The following CPLX2 variants were observed in gnomAD, a reference collection of about 807,000 sequenced individuals.
CPLX2 encodes complexin 2.
CPLX2 carries 5 observed loss-of-function variants against 16.3 expected under a neutral mutation model. The observed-to-expected ratio is 0.31, with a 90% CI of 0.16 to 0.64. The LOEUF (loss-of-function observed/expected upper bound fraction) is 0.64. Ranked by LOEUF, CPLX2 falls within the 30% of genes least tolerant of loss-of-function variation. The probability of loss-of-function intolerance (pLI) is 0.79; values close to 1 mark genes in which losing one functional copy is unlikely to be tolerated. For synonymous variants in CPLX2, 89 were observed against 73.2 expected (o/e 1.22, Z -1.10); for missense variants, 144 against 181.4 (o/e 0.79, Z 1.18).
Position 175,878,676 on chromosome 5 carries a change from C to A in CPLX2, c.-64C>A. 2 of 1,586,556 alleles carry A rather than the reference C, an allele frequency of 1.3e-6. No homozygotes were observed. The highest frequency in any genetic ancestry group is 8.6e-7 in the Non-Finnish European group (1 of 1,164,196). On this transcript the variant is annotated 5_prime_UTR_variant, in exon 2 of 4. Transcript: ENST00000393745. ...GGTTGTCACATCTTCCCAAGCCAGG[C>A]CAGCCAGGAGCGCTGCATGCAAATT...
At chr5:175,835,727 ACTTTTTTT>A (rs1758818986) in intron 2 of CPLX2, among the ~76,000 whole-genome samples, 1 of 33,368 alleles carries the variant, frequency 3.0e-5, no homozygotes, top group Admixed American at 2.4e-4. Flanking sequence ...TTATTTATTT[ACTTTTTTT>A]TTTTTTTTTT....
chr5:175,836,896 G>A (rs2113664222), intron 2 of CPLX2, among the ~76,000 whole-genome samples: 1 of 152,296 alleles, frequency 6.6e-6, no homozygotes, highest in Admixed American at 6.5e-5. Context: ...AAGAACATGA[G>A]GCCCAGAGTG....
At chr5:175,868,957 A>G (rs1247761298), upstream of CPLX2, among the ~76,000 whole-genome samples, 5 of 152,222 alleles carry the variant, frequency 3.3e-5, no homozygotes, top group Admixed American at 2.6e-4. Context: ...TGTAAATTAA[A>G]TGAGAAAATG....
intron 2 of CPLX2, among the ~76,000 whole-genome samples, chr5:175,857,668 G>T (rs1437302275): frequency 6.6e-6 from 1 of 152,170 alleles, no homozygotes; most frequent in Non-Finnish European, 1.5e-5. Context: ...GGTACCTGAG[G>T]TACGGATTCT....
chr5:175,822,142 G>A (rs1041271843), intron 2 of CPLX2, among the ~76,000 whole-genome samples: 6 of 152,072 alleles, frequency 3.9e-5, no homozygotes, highest in African/African-American at 1.2e-4. Flanking sequence ...CTTCCTTACC[G>A]ATCTCACCAC....
At chr5:175,850,273 C>A (rs1759126523) in intron 2 of CPLX2, among the ~76,000 whole-genome samples, 1 of 152,106 alleles carries the variant, frequency 6.6e-6, no homozygotes, top group South Asian at 2.1e-4. Context: ...CCATGCAGGG[C>A]CCAGCAAGGG....
At chr5:175,803,853 T>A (rs1758145030) in intron 1 of CPLX2, among the ~76,000 whole-genome samples, 1 of 152,188 alleles carries the variant, frequency 6.6e-6, no homozygotes, top group African/African-American at 2.4e-5. Context: ...GCAGGCCAAG[T>A]GATGCATCTG....
intron 1 of CPLX2, among the ~76,000 whole-genome samples, chr5:175,798,656 G>C (rs1026757884): frequency 6.6e-5 from 10 of 152,156 alleles, no homozygotes; most frequent in African/African-American, 2.4e-4. Context: ...AGAAAGGCTG[G>C]AGCCGGTCTC....
chr5:175,844,067 C>T (rs1194468624), intron 2 of CPLX2, among the ~76,000 whole-genome samples: 1 of 152,234 alleles, frequency 6.6e-6, no homozygotes, highest in Non-Finnish European at 1.5e-5. Flanking sequence ...CATCACCTCA[C>T]CTATAGGACA....
chr5:175,800,919 T>C (rs762305776), intron 1 of CPLX2, among the ~76,000 whole-genome samples: 3 of 152,260 alleles, frequency 2.0e-5, no homozygotes, highest in South Asian at 2.1e-4. Context: ...AAGTCAGTCA[T>C]GTGACAACGT....
intron 2 of CPLX2, chr5:175,837,936 T>G (rs1338391479): frequency 1.3e-5 from 2 of 152,306 alleles, no homozygotes; most frequent in East Asian, 3.9e-4. Context: ...AGGGAGATAA[T>G]AGTTAAAAAT....
At position 175,879,897 on chromosome 5, in the gene CPLX2, T is replaced by C. The variant is rs1374805211; in HGVS notation, c.257T>C (p.Leu86Pro). Residue 86 changes from leucine (L) to proline (P), a missense_variant, in exon 4 of 4, where the codon CTG becomes CCG. Coordinates refer to ENST00000393745, the MANE Select transcript of CPLX2 (RefSeq NM_001008220.2). ...EEKEAEEKAA[L>P]EQPCEGSLTR... ...AAGGAAGCAGAGGAGAAAGCAGCCC[T>C]GGAGCAGCCCTGCGAGGGGAGCCTG... The C allele has an allele frequency of 1.2e-6, 2 of 1,613,488 alleles. No individual in the cohort carries two copies. Among genetic ancestry groups the C allele is most frequent in the Non-Finnish European group, 1.7e-6 (2 of 1,179,840 alleles).
chr5:175,850,069 A>C (rs543765380), intron 2 of CPLX2, among the ~76,000 whole-genome samples: 57 of 152,302 alleles, frequency 3.7e-4, no homozygotes, highest in African/African-American at 1.3e-3. Flanking sequence ...ATCAAGGCAC[A>C]TGAGGGCAAT....
At position 175,871,700 on chromosome 5, in the gene CPLX2, C is replaced by G. The variant is rs1364987339; in HGVS notation, c.-94C>G. The G allele has an allele frequency of 6.6e-6, 1 of 152,496 alleles. No individual in the cohort carries two copies. Among genetic ancestry groups the G allele is most frequent in the Non-Finnish European group, 1.5e-5 (1 of 68,286 alleles). 9.4% of individuals were successfully genotyped at this position (152,496 alleles called of 1,614,324 possible). A position where few individuals can be genotyped will look rare whatever the true frequency, so the allele number is the denominator to read the frequency against. The stretch of plus-strand genomic sequence containing the variant: ...CAGTGGCTCAGACGGTTGCAGGGAC[C>G]GCCAGGTCGGTGCTGGCCGAGGGCC... On this transcript the variant is annotated 5_prime_UTR_variant, in exon 1 of 4. Transcript: ENST00000393745.
In CPLX2 at chr5:175,827,830, CA is replaced by C. The variant is rs111252500; in HGVS notation, c.-89+18769del. ...ATGCACTTGACCTTGTGCACATTTACAAAAAAACCAACTGCAACTATTCATT... is the reference window on the plus strand; with the variant it reads ...ATGCACTTGACCTTGTGCACATTTACAAAAAACCAACTGCAACTATTCATT... On this transcript the variant is annotated intron_variant, in intron 2 of 4. Coordinates refer to the CPLX2 transcript ENST00000359546. Among the ~76,000 whole-genome samples, 972 of 152,216 alleles carry C rather than the reference CA, an allele frequency of 6.4e-3. 10 individuals carry two copies. The highest frequency in any genetic ancestry group is 0.022 in the African/African-American group (931 of 41,526).
chr5:175,832,577 G>C (rs1490527817), intron 2 of CPLX2, among the ~76,000 whole-genome samples: 6 of 152,196 alleles, frequency 3.9e-5, no homozygotes, highest in Non-Finnish European at 8.8e-5. Context: ...GTAAATGCCA[G>C]ACAAGCTTGG....
rs10042742 is a variant in CPLX2, at chr5:175,814,063, G to A, written c.-89+4995G>A. On this transcript the variant is annotated intron_variant, in intron 2 of 4. Transcript: ENST00000359546. The stretch of plus-strand genomic sequence containing the variant: ...GTTACTCTTGCTAAGTATAAAGTGA[G>A]TAATAGTAAATGCAAGATGTACATG... Among the ~76,000 whole-genome samples the A allele has an allele frequency of 7.5e-3, 1,140 of 152,346 alleles. 10 individuals carry two copies. Among genetic ancestry groups the A allele is most frequent in the African/African-American group, 0.023 (949 of 41,586 alleles).
intron 1 of CPLX2, among the ~76,000 whole-genome samples, chr5:175,804,606 C>T (rs765260425): frequency 1.5e-4 from 23 of 152,208 alleles, no homozygotes; most frequent in Non-Finnish European, 2.8e-4. Flanking sequence ...GTGTGGTCCA[C>T]GGACCGGCAA....
chr5:175,848,153 C>A (rs1384785882), intron 2 of CPLX2, among the ~76,000 whole-genome samples: 1 of 152,170 alleles, frequency 6.6e-6, no homozygotes, highest in Non-Finnish European at 1.5e-5. Flanking sequence ...TCCCCAGAGC[C>A]CATCATACCT....
Sources: allele counts gnomAD v4.1 joint callset (sites outside exome capture counted in the v4.1 genomes callset), GRCh38; gene constraint gnomAD v4.1.1; transcripts MANE v1.5; gene names NCBI Gene and HGNC (gene_info 2026-07-23, HGNC 2026-07-21).